The following SRRD variants were observed in gnomAD, a reference collection of about 807,000 sequenced individuals.
The protein encoded by SRRD is SRR1-like protein.
A neutral mutation model predicts 30.7 loss-of-function variants in SRRD; 28 were observed. That is an observed-to-expected ratio of 0.91 (90% CI 0.68 to 1.25). The LOEUF is 1.25. SRRD is among the 50% of genes most tolerant of loss of function. The pLI is 0.00. For missense variants in SRRD, 415 were observed against 417.3 expected, an observed-to-expected ratio of 0.99 and a Z score of 0.05; for synonymous variants, 161 against 159.6, an observed-to-expected ratio of 1.01 and a Z score of -0.07.
Position 26,484,002 on chromosome 22 carries a change from G to T in SRRD, c.112G>T (p.Glu38Ter). ...GAGGGAGGCGGCGCCCCGGGGGAGAGAGGCGGCGCCCCGGGGGAGAGAGGC... is the reference window on the plus strand; with the variant it reads ...GAGGGAGGCGGCGCCCCGGGGGAGATAGGCGGCGCCCCGGGGGAGAGAGGC... ...RRREAAPRGR[E>*]AAPRGREAAP... The change falls in exon 1 of 7, where the codon GAG becomes TAG. Residue 38 changes from glutamate to a stop codon, truncating the protein, a stop_gained. Transcript: ENST00000215917. LOFTEE classifies it high-confidence loss of function. The T allele has an allele frequency of 2.5e-6, 3 of 1,201,390 alleles. No individual in the cohort carries two copies. The highest frequency in any genetic ancestry group is 3.1e-6 in the Non-Finnish European group (3 of 981,744). 74.4% of individuals were successfully genotyped at this position (1,201,390 alleles called of 1,614,324 possible). A position where few individuals can be genotyped will look rare whatever the true frequency, so the allele number is the denominator to read the frequency against.
At chr22:26,489,916 C>A (rs961208220) in intron 4 of SRRD, 128 bp from the exon 5 acceptor site, 19 of 1,033,646 alleles carry the variant, frequency 1.8e-5, no homozygotes, top group Non-Finnish European at 2.7e-5. Context: ...AACTGTTCCA[C>A]AAAATGAGCT....
In SRRD at chr22:26,494,049, A is replaced by G. The variant is rs1921592884; in HGVS notation, c.*2377A>G. 8.1e-6 allele frequency: 12 copies of G among 1,480,046 alleles called. No individual in the cohort carries two copies. The highest frequency in any genetic ancestry group is 9.2e-7 in the Non-Finnish European group (1 of 1,082,654). 91.7% of individuals were successfully genotyped at this position (1,480,046 alleles called of 1,614,324 possible). On this transcript the variant is annotated 3_prime_UTR_variant, in exon 7 of 7. Coordinates refer to ENST00000215917, the MANE Select transcript of SRRD (RefSeq NM_001013694.3). ...GTGACCTAAGGTTTAGGCTGCCTAC[A>G]GGAACCAGAAAACTCTGATTCTGTG... is the stretch of plus-strand genomic sequence containing the variant.
At chr22:26,488,564 C>G in intron 4 of SRRD, 76 bp downstream of exon 4, 3 of 1,132,030 alleles carry the variant, frequency 2.7e-6, no homozygotes. Context: ...CCTGTGGACA[C>G]CAGCATTCTT....
chr22:26,484,439 G>A (rs1413331163), intron 1 of SRRD, among the ~76,000 whole-genome samples: 1 of 152,210 alleles, frequency 6.6e-6, no homozygotes, highest in Non-Finnish European at 1.5e-5. Flanking sequence ...CTGGCACGTG[G>A]TAAGCACTGT....
rs746269405 is a variant in SRRD at position 26,492,287 on chromosome 22, G to C, written c.*615G>C. The C allele has an allele frequency of 1.2e-6, 2 of 1,614,074 alleles. No homozygotes were observed. The highest frequency in any genetic ancestry group is 2.7e-5 in the African/African-American group (2 of 74,918). On this transcript the variant is annotated 3_prime_UTR_variant, in exon 7 of 7. Coordinates refer to ENST00000215917, the MANE Select transcript of SRRD (RefSeq NM_001013694.3). ...CTCAGCCTCCCGCCTCTCCTGCATG[G>C]CCTCGTACTGGAAGTCCTTCCTCCG... is the stretch of plus-strand genomic sequence containing the variant.
Position 26,491,661 on chromosome 22 carries a change from G to T in SRRD, c.1009G>T (p.Ala337Ser). 6.2e-7 allele frequency: 1 copy of T among 1,610,346 alleles called. No homozygotes were observed. Residue 337 changes from alanine (A) to serine (S), a missense_variant, in exon 7 of 7, where the codon GCT (alanine) becomes TCT (serine). Transcript: ENST00000215917. ...CAGGAACAAGAGAGAAGATCCTTCT[G>T]CTACTGACTGAACTCGTTGTGAGGT... ...IIRNKREDPSATD is the reference protein window; with the variant it reads ...IIRNKREDPSSTD
At chr22:26,484,804 ACACT>A (rs1210426345) in intron 1 of SRRD, among the ~76,000 whole-genome samples, 2 of 152,222 alleles carry the variant, frequency 1.3e-5, no homozygotes, top group African/African-American at 2.4e-5. Context: ...TACAGAGGAA[ACACT>A]CAATAAATGT....
intron 2 of SRRD, among the ~76,000 whole-genome samples, chr22:26,486,304 G>A (rs2091708170): frequency 6.6e-6 from 1 of 152,176 alleles, no homozygotes. Context: ...CTTGCCTGCT[G>A]TATACAAGGC....
rs1266872737 is a variant in SRRD at position 26,492,410 on chromosome 22, A to G, written c.*738A>G. 5.0e-6 allele frequency: 8 copies of G among 1,584,658 alleles called. No individual in the cohort carries two copies. The highest frequency in any genetic ancestry group is 6.0e-6 in the Non-Finnish European group (7 of 1,158,086). On this transcript the variant is annotated 3_prime_UTR_variant, in exon 7 of 7. Transcript: ENST00000215917. ...CAGGGCGGTGAGGAGAGGTGTTTCC[A>G]GGTGTATGGAAGTTGACACTGTGGC...
In SRRD at chr22:26,484,037, G is replaced by T; in HGVS notation, c.147G>T (p.Arg49=). Residue 49 remains arginine, a synonymous_variant, in exon 1 of 7, where the codon CGG becomes CGT. Coordinates refer to ENST00000215917, the MANE Select transcript of SRRD (RefSeq NM_001013694.3). The stretch of plus-strand genomic sequence containing the variant: ...CCCGGGGGAGAGAGGCGGCGCCCCG[G>T]GGCCCCGAGGCGGAGTTCGAGTCTG... The part of the protein sequence containing the change: ...AAPRGREAAP[R]GPEAEFESDS... The T allele has an allele frequency of 6.9e-7, 1 of 1,459,420 alleles. No homozygotes were observed. Among genetic ancestry groups the T allele is most frequent in the Non-Finnish European group, 9.0e-7 (1 of 1,111,872 alleles). 90.4% of individuals were successfully genotyped at this position (1,459,420 alleles called of 1,614,324 possible).
chr22:26,484,074 G>A lies in SRRD; in HGVS notation c.184G>A (p.Val62Met), dbSNP rs1031506012. The stretch of plus-strand genomic sequence containing the variant: ...GGAGTTCGAGTCTGACAGCGGAGTC[G>A]TGCTTCGTCGCATCTGGGAGGCTGA... ...EAEFESDSGV[V>M]LRRIWEAEKD... The change falls in exon 1 of 7, where the codon GTG becomes ATG. Residue 62 changes from valine (V) to methionine (M), a missense_variant. Physicochemically the swap from Val to Met is conservative, Grantham distance 21 (BLOSUM62 1). Coordinates refer to ENST00000215917, the MANE Select transcript of SRRD (RefSeq NM_001013694.3). 5 of 1,499,890 alleles carry A rather than the reference G, an allele frequency of 3.3e-6. No individual in the cohort carries two copies. In the African/African-American group the frequency reaches 5.8e-5, roughly 17 times the overall value. 92.9% of individuals were successfully genotyped at this position (1,499,890 alleles called of 1,614,324 possible). A position where few individuals can be genotyped will look rare whatever the true frequency, so the allele number is the denominator to read the frequency against.
intron 2 of SRRD, among the ~76,000 whole-genome samples, chr22:26,486,560 G>A (rs2147107079): frequency 6.6e-6 from 1 of 152,194 alleles, no homozygotes; most frequent in South Asian, 2.1e-4. Flanking sequence ...CGCCTAGGCT[G>A]GAGTACAATG....
At chr22:26,486,393 C>T (rs1211031338) in intron 2 of SRRD, among the ~76,000 whole-genome samples, 1 of 152,102 alleles carries the variant, frequency 6.6e-6, no homozygotes, top group Non-Finnish European at 1.5e-5. Flanking sequence ...TAGCCTTTTC[C>T]TCGTGCAGTG....
chr22:26,485,313 A>G (rs550742466), intron 1 of SRRD, among the ~76,000 whole-genome samples: 2 of 152,332 alleles, frequency 1.3e-5, no homozygotes, highest in Non-Finnish European at 2.9e-5. Flanking sequence ...TCCTGTGTAC[A>G]TCAGAACTCT....
rs919045776 is a variant in SRRD at position 26,484,015 on chromosome 22, G to T, written c.125G>T (p.Arg42Leu). ...CCCCGGGGGAGAGAGGCGGCGCCCC[G>T]GGGGAGAGAGGCGGCGCCCCGGGGC... ...AAPRGREAAPRGREAAPRGPE... is the reference protein window; with the variant it reads ...AAPRGREAAPLGREAAPRGPE... The change falls in exon 1 of 7, where the codon CGG (arginine) becomes CTG (leucine). Residue 42 changes from arginine to leucine, a missense_variant. Transcript: ENST00000215917. 54 of 1,325,884 alleles carry T rather than the reference G, an allele frequency of 4.1e-5. No individual in the cohort carries two copies. Among genetic ancestry groups the T allele is most frequent in the Non-Finnish European group, 4.9e-5 (51 of 1,033,300 alleles). The allele number at this position is 1,325,884 out of a possible 1,614,324, so 82.1% of individuals were successfully genotyped here.
chr22:26,491,169 T>G (rs1005358795), intron 6 of SRRD, 99 bp downstream of exon 6: 4 of 1,236,084 alleles, frequency 3.2e-6, no homozygotes, highest in Non-Finnish European at 4.6e-6. Flanking sequence ...ATGGGCTAAG[T>G]GGCGCTAGTG....
Position 26,491,922 on chromosome 22 carries a change from T to C in SRRD, c.*250T>C. On this transcript the variant is annotated 3_prime_UTR_variant, in exon 7 of 7. Transcript: ENST00000215917. ...TGGAGTAGCTCCTGAGTAAAGAAGT[T>C]ACCCTTTTGAAGGTGATCTAAAAAT... 7.7e-7 allele frequency: 1 copy of C among 1,299,458 alleles called. No individual in the cohort carries two copies. The highest frequency in any genetic ancestry group is 1.1e-6 in the Non-Finnish European group (1 of 943,746). The allele number at this position is 1,299,458 out of a possible 1,614,324, so 80.5% of individuals were successfully genotyped here.
intron 4 of SRRD, 50 bp downstream of exon 4, chr22:26,488,538 C>A: frequency 1.4e-6 from 2 of 1,414,554 alleles, no homozygotes; most frequent in Non-Finnish European, 2.0e-6. Flanking sequence ...CCTGACCAGA[C>A]TCACCCCAGG....
intron 2 of SRRD, 113 bp from the exon 3 acceptor site, chr22:26,487,916 C>A: frequency 8.1e-7 from 1 of 1,233,932 alleles, no homozygotes; most frequent in Non-Finnish European, 1.1e-6. Flanking sequence ...GAATTGAAAC[C>A]TTTTACTGCC....
Sources: allele counts gnomAD v4.1 joint callset (sites outside exome capture counted in the v4.1 genomes callset), GRCh38; gene constraint gnomAD v4.1.1; transcripts MANE v1.5; gene names NCBI Gene and HGNC (gene_info 2026-07-23, HGNC 2026-07-21).